RIMS2: variants seen among roughly 807,000 people sequenced by gnomAD.
RIMS2 encodes regulating synaptic membrane exocytosis 2, also known as regulating synaptic membrane exocytosis protein 2.
Under a neutral mutation model 174.4 loss-of-function variants are expected in RIMS2, and 59 were observed. That is an observed-to-expected ratio of 0.34 (90% CI 0.27 to 0.42). The LOEUF (loss-of-function observed/expected upper bound fraction) is 0.42. Ranked by LOEUF, RIMS2 falls within the 10% of genes least tolerant of loss-of-function variation. RIMS2 has a pLI of 1.00. For synonymous variants in RIMS2, 606 were observed against 572.5 expected (o/e 1.06, Z -0.84); for missense variants, 1,620 against 1,666.3 (o/e 0.97, Z 0.48).
chr8:103,725,402 C>G (rs530968272), intron 2 of RIMS2, among the ~76,000 whole-genome samples: 1 of 152,162 alleles, frequency 6.6e-6, no homozygotes, highest in Non-Finnish European at 1.5e-5. Flanking sequence ...TTATCCCCGT[C>G]TCCCAAAAGG....
At chr8:104,098,840 A>G (rs1218990775) in intron 19 of RIMS2, among the ~76,000 whole-genome samples, 1 of 152,218 alleles carries the variant, frequency 6.6e-6, no homozygotes, top group Non-Finnish European at 1.5e-5. Flanking sequence ...TATGTGATAT[A>G]ACTTGATATA....
intron 2 of RIMS2, among the ~76,000 whole-genome samples, chr8:103,756,238 G>A (rs889485748): frequency 1.3e-5 from 2 of 152,186 alleles, no homozygotes; most frequent in Non-Finnish European, 2.9e-5. Flanking sequence ...GACCCTGTTT[G>A]CCTGGGTATC....
chr8:104,029,187 ACT>A (rs2096328943), intron 19 of RIMS2, among the ~76,000 whole-genome samples: 1 of 152,020 alleles, frequency 6.6e-6, no homozygotes, highest in Admixed American at 6.5e-5. Flanking sequence ...CAAAGAAGTC[ACT>A]CTCGTTGCCA....
At chr8:104,179,352 A>T (rs1013109726) in intron 19 of RIMS2, among the ~76,000 whole-genome samples, 1 of 152,020 alleles carries the variant, frequency 6.6e-6, no homozygotes, top group Admixed American at 6.6e-5. Flanking sequence ...ACTTTTTGTA[A>T]TCCCTCAATT....
chr8:103,992,191 C>T (rs918679535), intron 17 of RIMS2, among the ~76,000 whole-genome samples: 1 of 151,980 alleles, frequency 6.6e-6, no homozygotes, highest in Non-Finnish European at 1.5e-5. Flanking sequence ...TCACTGCAAC[C>T]TCTGCCTCCC....
chr8:104,110,284 C>G (rs569686383), intron 19 of RIMS2, among the ~76,000 whole-genome samples: 1 of 152,230 alleles, frequency 6.6e-6, no homozygotes, highest in South Asian at 2.1e-4. Context: ...TTCCACTTCA[C>G]TGCAGAATAC....
chr8:103,507,241 C>G (rs1246679468), intron 1 of RIMS2, among the ~76,000 whole-genome samples: 1 of 152,036 alleles, frequency 6.6e-6, no homozygotes, highest in Non-Finnish European at 1.5e-5. Flanking sequence ...ACCACTCTTT[C>G]TTATGTAGAT....
At chr8:103,626,633 C>T (rs1564074192) in intron 1 of RIMS2, among the ~76,000 whole-genome samples, 2 of 152,086 alleles carry the variant, frequency 1.3e-5, no homozygotes, top group African/African-American at 4.8e-5. Context: ...TCGGGGGAAC[C>T]AGCCCCCAAT....
intron 1 of RIMS2, among the ~76,000 whole-genome samples, chr8:103,616,102 C>T (rs1255720155): frequency 6.6e-6 from 1 of 152,110 alleles, no homozygotes; most frequent in East Asian, 1.9e-4. Flanking sequence ...TGTTGATGAA[C>T]ATTGATGTAA....
intron 1 of RIMS2, chr8:103,568,637 A>T: frequency 3.3e-6 from 2 of 612,798 alleles, no homozygotes; most frequent in East Asian, 3.8e-5. Context: ...CAGCAAGTGC[A>T]CTTTGTATCT....
intron 1 of RIMS2, among the ~76,000 whole-genome samples, chr8:103,558,380 C>A (rs986680746): frequency 6.6e-6 from 1 of 152,086 alleles, no homozygotes; most frequent in Non-Finnish European, 1.5e-5. Flanking sequence ...TACACCACCA[C>A]GCCTGGCTAA....
At chr8:104,195,735 A>C (rs1206313489) in intron 19 of RIMS2, among the ~76,000 whole-genome samples, 1 of 151,944 alleles carries the variant, frequency 6.6e-6, no homozygotes, top group East Asian at 1.9e-4. Context: ...GGATGGCTCA[A>C]ACTCCTGGCT....
At chr8:103,972,479 G>A (rs1221399446) in intron 15 of RIMS2, among the ~76,000 whole-genome samples, 1 of 152,086 alleles carries the variant, frequency 6.6e-6, no homozygotes, top group Non-Finnish European at 1.5e-5. Context: ...CACAATTTCT[G>A]CTTAAAACCC....
intron 19 of RIMS2, among the ~76,000 whole-genome samples, chr8:104,069,632 C>G (rs2097164009): frequency 6.6e-6 from 1 of 151,712 alleles, no homozygotes; most frequent in Non-Finnish European, 1.5e-5. Flanking sequence ...CCATGCCCAG[C>G]TAATTTTTGT....
chr8:104,174,671 T>C (rs12547599), intron 19 of RIMS2, among the ~76,000 whole-genome samples: 15,246 of 152,150 alleles, frequency 0.1, 975 homozygotes, highest in Admixed American at 0.14. Flanking sequence ...ATTTTACTTC[T>C]TATATGAGGA....
Position 104,248,653 on chromosome 8 carries a change from A to G in RIMS2, c.3477-48A>G, listed in dbSNP as rs774035470. On this transcript the variant is annotated intron_variant, in intron 20 of 23. Coordinates refer to ENST00000504942, the Ensembl canonical transcript of RIMS2. ...TAGAATGAAACCAAGCTTACCTGAA[A>G]ATAAATAGGGGTTGGGGATTTAATC... The G allele has an allele frequency of 8.9e-6, 9 of 1,015,402 alleles. No homozygotes were observed. The South Asian group carries it at 1.1e-4, about 13-fold the overall frequency. 62.9% of individuals were successfully genotyped at this position (1,015,402 alleles called of 1,614,324 possible).
At chr8:104,226,372 T>G (rs1355149765) in intron 19 of RIMS2, among the ~76,000 whole-genome samples, 1 of 152,210 alleles carries the variant, frequency 6.6e-6, no homozygotes, top group Non-Finnish European at 1.5e-5. Context: ...ATTCACATTC[T>G]CTTCTTGTAC....
At chr8:104,127,916 C>T (rs575410524) in intron 19 of RIMS2, among the ~76,000 whole-genome samples, 4 of 152,284 alleles carry the variant, frequency 2.6e-5, no homozygotes, top group African/African-American at 9.6e-5. Flanking sequence ...CATCTCATTT[C>T]CCAAATGCAG....
At chr8:104,004,822 C>G (rs1044045444) in intron 17 of RIMS2, among the ~76,000 whole-genome samples, 5 of 151,888 alleles carry the variant, frequency 3.3e-5, no homozygotes, top group Admixed American at 2.6e-4. Flanking sequence ...ACCACTGAGA[C>G]AGGAAGAAAA....
Sources: gnomAD v4.1 joint callset for allele counts (sites outside exome capture counted in the v4.1 genomes callset) on GRCh38, gnomAD v4.1.1 for gene constraint, MANE v1.5 for transcripts, NCBI Gene and HGNC (gene_info 2026-07-23, HGNC 2026-07-21) for gene names.